The following RAP1GAP2 variants were observed in gnomAD, a reference collection of about 807,000 sequenced individuals.
The protein encoded by RAP1GAP2 is rap1 GTPase-activating protein 2.
Under a neutral mutation model 95.0 loss-of-function variants are expected in RAP1GAP2, and 27 were observed. The ratio of observed to expected loss-of-function variants is 0.28; its 90% CI spans 0.21 to 0.39. RAP1GAP2 has a LOEUF of 0.39. Among genes scored for constraint, RAP1GAP2 ranks in the 10% least tolerant of loss-of-function variants. The probability of loss-of-function intolerance (pLI) is 1.00; values close to 1 mark genes in which losing one functional copy is unlikely to be tolerated. For synonymous variants in RAP1GAP2, 373 were observed against 380.9 expected (o/e 0.98, Z 0.24); for missense variants, 771 against 970.0 (o/e 0.79, Z 2.72).
At chr17:2,889,863 GTATATA>G (rs748546441) in intron 2 of RAP1GAP2, among the ~76,000 whole-genome samples, 21,253 of 80,100 alleles carry the variant, frequency 0.27, 2,792 homozygotes, top group Middle Eastern at 0.36. Flanking sequence ...TTATGTGTGT[GTATATA>G]TATATATATA....
rs961221057 is a variant in RAP1GAP2, at chr17:2,916,946, G to A, written c.165+11578G>A. Reference sequence around the variant, plus strand: ...TTCCTCAAGTTTGCTAATAGGGTGCGAGCCACGGGCTTCGGCCTAGGCGTC... The same window carrying A: ...TTCCTCAAGTTTGCTAATAGGGTGCAAGCCACGGGCTTCGGCCTAGGCGTC... On this transcript the variant is annotated intron_variant, in intron 3 of 24. Coordinates refer to ENST00000254695, the MANE Select transcript of RAP1GAP2 (RefSeq NM_015085.5). Among the ~76,000 whole-genome samples the A allele has an allele frequency of 6.4e-4, 98 of 152,326 alleles. 1 individual carries two copies. Among genetic ancestry groups the A allele is most frequent in the South Asian group, 6.2e-4 (3 of 4,828 alleles).
chr17:2,918,051 G>C (rs138361577), intron 3 of RAP1GAP2, among the ~76,000 whole-genome samples: 1 of 152,160 alleles, frequency 6.6e-6, no homozygotes, highest in African/African-American at 2.4e-5. Flanking sequence ...TAACCTCTGT[G>C]CATCTCAGTT....
rs71153308 is a variant in RAP1GAP2 at position 2,873,474 on chromosome 17, C to CAAAA, written c.81-31776_81-31773dup. 4.4e-4 allele frequency among the ~76,000 whole-genome samples: 5 copies of CAAAA among 11,422 alleles called. 2 individuals carry two copies. Among genetic ancestry groups the CAAAA allele is most frequent in the Non-Finnish European group, 6.0e-4 (4 of 6,704 alleles). The allele number at this position is 11,422 out of a possible 152,430, so 7.5% of individuals were successfully genotyped here. ...AGGGTAATAGAATGAGACCCTGTCT[C>CAAAA]AAAAAAAAAAAAAAAAAAAAAAAAA... On this transcript the variant is annotated intron_variant, in intron 2 of 24. Coordinates refer to ENST00000254695, the MANE Select transcript of RAP1GAP2 (RefSeq NM_015085.5).
At chr17:2,787,975 A>G (rs577703094) in intron 1 of RAP1GAP2, among the ~76,000 whole-genome samples, 1 of 152,316 alleles carries the variant, frequency 6.6e-6, no homozygotes, top group South Asian at 2.1e-4. Context: ...TTGTACGCTT[A>G]TTCTGCAATG....
chr17:2,845,342 C>T (rs1286799633), intron 2 of RAP1GAP2, among the ~76,000 whole-genome samples: 1 of 151,960 alleles, frequency 6.6e-6, no homozygotes, highest in Non-Finnish European at 1.5e-5. Flanking sequence ...GGGGTTTCAC[C>T]ATATTGGCCA....
At position 2,830,714 on chromosome 17, in the gene RAP1GAP2, A is replaced by T. The variant is rs565820019; in HGVS notation, c.80+30164A>T. Among the ~76,000 whole-genome samples, 434 of 152,154 alleles carry T rather than the reference A, an allele frequency of 2.9e-3. 2 individuals are homozygous for T. Among genetic ancestry groups the T allele is most frequent in the South Asian group, 6.8e-3 (33 of 4,820 alleles). The stretch of plus-strand genomic sequence containing the variant: ...GGGCGACAGAATGAGACTCTGTCTC[A>T]AAACAAAACAAAACAAAACAAAAAC... On this transcript the variant is annotated intron_variant, in intron 2 of 24. Coordinates refer to ENST00000254695, the MANE Select transcript of RAP1GAP2 (RefSeq NM_015085.5).
chr17:2,856,413 A>G (rs756986476), intron 2 of RAP1GAP2, among the ~76,000 whole-genome samples: 6 of 152,202 alleles, frequency 3.9e-5, no homozygotes, highest in Non-Finnish European at 8.8e-5. Context: ...CTCAAGTCAG[A>G]TCATGTGAGT....
At chr17:2,909,138 G>A (rs1464292821) in intron 3 of RAP1GAP2, among the ~76,000 whole-genome samples, 1 of 152,166 alleles carries the variant, frequency 6.6e-6, no homozygotes, top group African/African-American at 2.4e-5. Context: ...GCTCTCCAGG[G>A]AGAGGATAGA....
chr17:2,992,579 C>G (rs1050891477), intron 12 of RAP1GAP2, among the ~76,000 whole-genome samples: 4 of 152,146 alleles, frequency 2.6e-5, no homozygotes, highest in African/African-American at 7.2e-5. Context: ...ACCTGGCCAG[C>G]CTGTTTTGTC....
Position 2,976,800 on chromosome 17 carries a change from C to T in RAP1GAP2, c.597-3487C>T, listed in dbSNP as rs572547946. Reference sequence around the variant, plus strand: ...TAGTCTTTCAAAAGACTAGTAAGATCGATAAACCTCCAGCTAAAACTGATA... The same window carrying T: ...TAGTCTTTCAAAAGACTAGTAAGATTGATAAACCTCCAGCTAAAACTGATA... On this transcript the variant is annotated intron_variant, in intron 8 of 24. Coordinates refer to ENST00000254695, the MANE Select transcript of RAP1GAP2 (RefSeq NM_015085.5). Among the ~76,000 whole-genome samples, 18 of 151,990 alleles carry T rather than the reference C, an allele frequency of 1.2e-4. No individual in the cohort carries two copies. In the East Asian group the frequency reaches 2.7e-3, roughly 23 times the overall value.
intron 2 of RAP1GAP2, among the ~76,000 whole-genome samples, chr17:2,846,276 C>T (rs1239767518): frequency 1.3e-5 from 2 of 151,770 alleles, no homozygotes; most frequent in Non-Finnish European, 2.9e-5. Flanking sequence ...TTAGATCTTG[C>T]TTTTGAGGTG....
intron 20 of RAP1GAP2, 50 bp downstream of exon 20, chr17:3,026,171 G>A (rs541754124): frequency 6.9e-7 from 1 of 1,456,260 alleles, no homozygotes; most frequent in African/African-American, 1.4e-5. Context: ...TGGAGCCCTG[G>A]AACACGCCCT....
intron 2 of RAP1GAP2, among the ~76,000 whole-genome samples, chr17:2,830,467 G>A (rs371278183): frequency 6.6e-6 from 1 of 151,914 alleles, no homozygotes; most frequent in African/African-American, 2.4e-5. Context: ...TGTAATCCCA[G>A]CACTTTGGGA....
intron 1 of RAP1GAP2, among the ~76,000 whole-genome samples, chr17:2,759,086 C>T (rs540980725): frequency 6.6e-6 from 1 of 151,992 alleles, no homozygotes; most frequent in African/African-American, 2.4e-5. Context: ...GGGATCCTCC[C>T]ATCTTGGCCT....
At chr17:2,829,181 G>C (rs879411078) in intron 2 of RAP1GAP2, among the ~76,000 whole-genome samples, 1 of 151,634 alleles carries the variant, frequency 6.6e-6, no homozygotes, top group Admixed American at 6.6e-5. Flanking sequence ...ACGGGGTTTC[G>C]CCATGTTGGC....
chr17:2,962,824 T>A, intron 5 of RAP1GAP2, 110 bp downstream of exon 5: 2 of 1,055,086 alleles, frequency 1.9e-6, no homozygotes, highest in Non-Finnish European at 2.7e-6. Context: ...CACACCTGTC[T>A]AACTCTGACT....
intron 1 of RAP1GAP2, chr17:2,755,894 C>T (rs974234524): frequency 2.0e-4 from 58 of 285,826 alleles, no homozygotes; most frequent in African/African-American, 1.1e-3. Flanking sequence ...CCCGGGTGGG[C>T]GGAGGGGCGC....
intron 3 of RAP1GAP2, among the ~76,000 whole-genome samples, chr17:2,940,510 C>T (rs542327642): frequency 4.6e-4 from 70 of 152,334 alleles, no homozygotes; most frequent in East Asian, 1.7e-3. Flanking sequence ...CTGGCCTGGA[C>T]GCTTGGAGCT....
intron 17 of RAP1GAP2, among the ~76,000 whole-genome samples, chr17:3,012,384 G>A (rs1413739440): frequency 2.0e-5 from 3 of 151,932 alleles, no homozygotes; most frequent in Admixed American, 6.6e-5. Context: ...TTGGGAGGCC[G>A]AGGCAGGTGG....
Sources: allele counts gnomAD v4.1 joint callset (sites outside exome capture counted in the v4.1 genomes callset), GRCh38; gene constraint gnomAD v4.1.1; transcripts MANE v1.5; gene names NCBI Gene and HGNC (gene_info 2026-07-23, HGNC 2026-07-21).